Variants in RPS6KA5 observed in about 807,000 individuals in gnomAD.
The protein encoded by RPS6KA5 is ribosomal protein S6 kinase A5, also known as ribosomal protein S6 kinase alpha-5.
In RPS6KA5, 27 loss-of-function variants were observed where a neutral mutation model predicts 85.5. The ratio of observed to expected loss-of-function variants is 0.32; its 90% CI spans 0.23 to 0.44. The LOEUF (loss-of-function observed/expected upper bound fraction) is 0.44, where lower values mean the gene tolerates loss of function less well. Ranked by LOEUF, RPS6KA5 falls within the 20% of genes least tolerant of loss-of-function variation. The probability of loss-of-function intolerance (pLI) is 1.00; values close to 1 mark genes in which losing one functional copy is unlikely to be tolerated. For synonymous variants in RPS6KA5, 334 were observed against 348.2 expected (o/e 0.96, Z 0.46); for missense variants, 811 against 980.9 (o/e 0.83, Z 2.31).
chr14:90,871,863 TA>T lies in RPS6KA5; in HGVS notation c.*210del. 1 of 529,216 alleles carries T rather than the reference TA, an allele frequency of 1.9e-6. No homozygotes were observed. The highest frequency in any genetic ancestry group is 3.2e-6 in the Non-Finnish European group (1 of 311,000). The allele number at this position is 529,216 out of a possible 1,614,324, so 32.8% of individuals were successfully genotyped here. A position where few individuals can be genotyped will look rare whatever the true frequency, so the allele number is the denominator to read the frequency against. ...TCTTGTTGGCATCATGCTAGGTTGC[TA>T]AAAAGAGTAATATGTGCTCTATTCA... On this transcript the variant is annotated 3_prime_UTR_variant, in exon 17 of 17. Coordinates refer to ENST00000614987, the MANE Select transcript of RPS6KA5 (RefSeq NM_004755.4).
intron 14 of RPS6KA5, among the ~76,000 whole-genome samples, chr14:90,885,451 G>A (rs1284135042): frequency 2.4e-4 from 32 of 133,182 alleles, no homozygotes; most frequent in South Asian, 7.3e-4. Flanking sequence ...TACTTGGGAG[G>A]CTGAGGCAGG....
chr14:90,923,249 A>G (rs561903311), intron 5 of RPS6KA5, 53 bp from the exon 6 acceptor site: 2 of 1,388,132 alleles, frequency 1.4e-6, no homozygotes. Context: ...ATGACAAGTG[A>G]CAAAAGAAGA....
Position 90,900,100 on chromosome 14 carries a change from G to C in RPS6KA5, c.1379+8C>G. The C allele has an allele frequency of 6.3e-7, 1 of 1,584,222 alleles. No individual in the cohort carries two copies. Among genetic ancestry groups the C allele is most frequent in the Non-Finnish European group, 8.6e-7 (1 of 1,165,884 alleles). ...TAAGAAAGAATATTATATTAAAAAT[G>C]GTCATACCTTTTGCTGATTATTTTG... On this transcript the variant is annotated splice_region_variant and intron_variant, in intron 11 of 16. Transcript: ENST00000614987.
At chr14:91,051,868 A>T (rs1249607940) in intron 1 of RPS6KA5, among the ~76,000 whole-genome samples, 4 of 152,008 alleles carry the variant, frequency 2.6e-5, no homozygotes, top group Non-Finnish European at 5.9e-5. Context: ...GAGAAAGAAC[A>T]TCTATGAAAA....
chr14:90,906,340 A>AC, intron 7 of RPS6KA5, 41 bp from the exon 8 acceptor site: 2 of 1,431,060 alleles, frequency 1.4e-6, no homozygotes, highest in Non-Finnish European at 1.9e-6. Context: ...AAACAGGATG[A>AC]CAAAAAAAAA....
chr14:90,895,620 A>T (rs991197602), intron 12 of RPS6KA5, among the ~76,000 whole-genome samples: 3 of 152,140 alleles, frequency 2.0e-5, no homozygotes, highest in Non-Finnish European at 4.4e-5. Flanking sequence ...TCAAAAAGCA[A>T]AGGGCTATAG....
intron 2 of RPS6KA5, among the ~76,000 whole-genome samples, chr14:90,996,368 G>A (rs1307294710): frequency 3.3e-5 from 5 of 151,954 alleles, no homozygotes. Context: ...TCAATGAATA[G>A]GATTAGTCTC....
Position 90,978,423 on chromosome 14 carries a change from T to C in RPS6KA5, c.277A>G (p.Lys93Glu). 6.2e-7 allele frequency: 1 copy of C among 1,614,132 alleles called. No homozygotes were observed. Among genetic ancestry groups the C allele is most frequent in the Non-Finnish European group, 8.5e-7 (1 of 1,179,966 alleles). Residue 93 changes from lysine to glutamate, a missense_variant, in exon 3 of 17, where the codon AAA becomes GAA. This residue lies in a region of RPS6KA5 where 48 missense variants were observed against 87.6 expected (regional missense o/e 0.55). Coordinates refer to ENST00000614987, the MANE Select transcript of RPS6KA5 (RefSeq NM_004755.4). ...LKKATIVQKA[K>E]TTEHTRTERQ... ...TCTGTCCTTGTATGCTCTGTGGTTT[T>C]GGCCTTTTGAACGATTGTTGCCTTT... is the stretch of plus-strand genomic sequence containing the variant.
chr14:91,044,439 A>G (rs576746223), intron 1 of RPS6KA5, among the ~76,000 whole-genome samples: 16 of 145,998 alleles, frequency 1.1e-4, no homozygotes, highest in African/African-American at 3.6e-4. Context: ...GAAAGAAAGA[A>G]AGAAAGAAAA....
intron 7 of RPS6KA5, among the ~76,000 whole-genome samples, chr14:90,913,778 A>T (rs1211620173): frequency 6.6e-6 from 1 of 152,126 alleles, no homozygotes; most frequent in Non-Finnish European, 1.5e-5. Flanking sequence ...GATGGAAGAG[A>T]GTGGTAAACT....
At position 90,871,904 on chromosome 14, in the gene RPS6KA5, G is replaced by C. The variant is rs2033135612; in HGVS notation, c.*170C>G. 1 of 775,940 alleles carries C rather than the reference G, an allele frequency of 1.3e-6. No homozygotes were observed. Among genetic ancestry groups the C allele is most frequent in the East Asian group, 2.5e-5 (1 of 39,590 alleles). The allele number at this position is 775,940 out of a possible 1,614,324, so 48.1% of individuals were successfully genotyped here. A position where few individuals can be genotyped will look rare whatever the true frequency, so the allele number is the denominator to read the frequency against. The stretch of plus-strand genomic sequence containing the variant: ...TGCTCTATTCACAGTAACATTCTCT[G>C]TCCAGTGCTTTTGAATGAGGATAAC... On this transcript the variant is annotated 3_prime_UTR_variant, in exon 17 of 17. Transcript: ENST00000614987.
intron 3 of RPS6KA5, among the ~76,000 whole-genome samples, chr14:90,967,520 G>C (rs1349307689): frequency 6.6e-6 from 1 of 152,060 alleles, no homozygotes; most frequent in Non-Finnish European, 1.5e-5. Flanking sequence ...ATTGTGCCCT[G>C]ACTTACATAC....
chr14:90,961,499 C>A (rs1478630104), intron 3 of RPS6KA5, among the ~76,000 whole-genome samples: 1 of 152,110 alleles, frequency 6.6e-6, no homozygotes, highest in Non-Finnish European at 1.5e-5. Flanking sequence ...GCCTTAAGAT[C>A]AACTATTCTT....
At chr14:90,941,723 G>A (rs1047861330) in intron 5 of RPS6KA5, among the ~76,000 whole-genome samples, 3 of 152,176 alleles carry the variant, frequency 2.0e-5, no homozygotes, top group Non-Finnish European at 2.9e-5. Flanking sequence ...TTTTTAGGGG[G>A]TCAGAAGTAC....
chr14:90,880,914 GC>G (rs2033796572), intron 14 of RPS6KA5, among the ~76,000 whole-genome samples: 2 of 150,220 alleles, frequency 1.3e-5, no homozygotes, highest in African/African-American at 2.5e-5. Context: ...ATTCACTGCA[GC>G]CTTGACCTCC....
rs77259031 is a variant in RPS6KA5, at chr14:90,879,519, G to C, written c.1837-4159C>G. Reference sequence around the variant, plus strand: ...AATGGCTGATGGGTCCAGGTCCTCTGTATCTAGATTTTATGGGTGCACGAC... The same window carrying C: ...AATGGCTGATGGGTCCAGGTCCTCTCTATCTAGATTTTATGGGTGCACGAC... On this transcript the variant is annotated intron_variant, in intron 14 of 16. Transcript: ENST00000614987. Among the ~76,000 whole-genome samples the C allele has an allele frequency of 7.6e-4, 115 of 152,244 alleles. No individual in the cohort carries two copies. The East Asian group carries it at 0.022, about 28-fold the overall frequency.
chr14:90,948,326 T>C (rs1185874200), intron 3 of RPS6KA5, among the ~76,000 whole-genome samples: 1 of 152,238 alleles, frequency 6.6e-6, no homozygotes, highest in African/African-American at 2.4e-5. Flanking sequence ...AAATTAATGT[T>C]AGAAACTGCT....
intron 1 of RPS6KA5, among the ~76,000 whole-genome samples, chr14:91,005,618 A>G (rs1300340668): frequency 6.6e-6 from 1 of 152,186 alleles, no homozygotes; most frequent in Non-Finnish European, 1.5e-5. Flanking sequence ...CCTAAGCAAT[A>G]AAAAACACAT....
At chr14:90,952,733 T>C (rs573156701) in intron 3 of RPS6KA5, among the ~76,000 whole-genome samples, 1 of 152,380 alleles carries the variant, frequency 6.6e-6, no homozygotes, top group Admixed American at 6.5e-5. Flanking sequence ...TATCACACCA[T>C]ATTCCTACAA....
Sources: gnomAD v4.1 joint callset for allele counts (sites outside exome capture counted in the v4.1 genomes callset) on GRCh38, gnomAD v4.1.1 for gene constraint, gnomAD v4.1.1 regional missense constraint, MANE v1.5 for transcripts, NCBI Gene and HGNC (gene_info 2026-07-23, HGNC 2026-07-21) for gene names.